The following PCLO variants were observed in gnomAD, a reference collection of about 807,000 sequenced individuals.
PCLO encodes piccolo presynaptic cytomatrix protein.
Under a neutral mutation model 427.5 loss-of-function variants are expected in PCLO, and 82 were observed. The observed-to-expected ratio is 0.19, with a 90% confidence interval of 0.16 to 0.23. PCLO has a LOEUF of 0.23. PCLO is among the 10% of genes least tolerant of loss of function. The pLI, the probability that PCLO is intolerant of heterozygous loss-of-function variation, is 1.00. For missense variants in PCLO, 6,239 were observed against 6,115.9 expected, an observed-to-expected ratio of 1.02 and a Z score of -0.67; for synonymous variants, 2,357 against 2,155.4, an observed-to-expected ratio of 1.09 and a Z score of -2.59.
chr7:82,889,624 G>T lies in PCLO; in HGVS notation c.13529-10162C>A, dbSNP rs575769639. Reference sequence around the variant, plus strand: ...CCTTTTACTCACTAATTTTACTTCTGTAAATATATTGTAAGGGAATAATAA... The same window carrying T: ...CCTTTTACTCACTAATTTTACTTCTTTAAATATATTGTAAGGGAATAATAA... On this transcript the variant is annotated intron_variant, in intron 9 of 24. Coordinates refer to ENST00000333891, the MANE Select transcript of PCLO (RefSeq NM_033026.6). Among the ~76,000 whole-genome samples the T allele has an allele frequency of 2.0e-5, 3 of 152,116 alleles. No homozygotes were observed. The East Asian group carries it at 5.8e-4, about 29-fold the overall frequency.
At chr7:82,917,678 C>T (rs892733449) in intron 6 of PCLO, among the ~76,000 whole-genome samples, 7 of 151,954 alleles carry the variant, frequency 4.6e-5, no homozygotes, top group African/African-American at 7.2e-5. Flanking sequence ...CTTCAATTTA[C>T]CTAAGTATTC....
At chr7:82,806,105 T>C (rs2129468834) in intron 20 of PCLO, among the ~76,000 whole-genome samples, 1 of 152,306 alleles carries the variant, frequency 6.6e-6, no homozygotes, top group Non-Finnish European at 1.5e-5. Context: ...TATGTAACTA[T>C]GCTACTATTA....
intron 3 of PCLO, among the ~76,000 whole-genome samples, chr7:83,073,569 C>T (rs904911190): frequency 3.3e-5 from 5 of 151,912 alleles, no homozygotes; most frequent in African/African-American, 1.2e-4. Flanking sequence ...CAAGAAAGAA[C>T]ATTTGTAATG....
rs1795382294 is a variant in PCLO at position 82,952,535 on chromosome 7, G to A, written c.8418C>T (p.Tyr2806=). 1.2e-6 allele frequency: 2 copies of A among 1,613,824 alleles called. No homozygotes were observed. The highest frequency in any genetic ancestry group is 1.7e-5 in the Admixed American group (1 of 59,990). The part of the protein sequence containing the change: ...TFVTCTASAS[Y]TTGTESLVGA... ...CCACTAGGCTTTCTGTGCCTGTAGT[G>A]TAACTTGCACTAGCTGTGCATGTGA... Residue 2806 remains tyrosine (Y), a synonymous_variant, in exon 5 of 25, where the codon TAC becomes TAT. Transcript: ENST00000333891.
intron 2 of PCLO, 101 bp downstream of exon 2, chr7:83,154,647 A>C: frequency 1.1e-6 from 1 of 894,006 alleles, no homozygotes; most frequent in South Asian, 1.8e-5. Flanking sequence ...AATCCAGAGA[A>C]AGACAATGCC....
At position 82,954,153 on chromosome 7, in the gene PCLO, G is replaced by A. The variant is rs115406962; in HGVS notation, c.6800C>T (p.Ser2267Phe). Residue 2267 changes from serine (S) to phenylalanine (F), a missense_variant, in exon 5 of 25, where the codon TCT (serine) becomes TTT (phenylalanine). Coordinates refer to ENST00000333891, the MANE Select transcript of PCLO (RefSeq NM_033026.6). ...TTCTATGATAGAAGATGCCATATCA[G>A]ATAAGGAAATAACAATATGATCAGC... ...ASADHIVISL[S>F]DMASSIIESV... The A allele has an allele frequency of 1.3e-3, 2,084 of 1,613,806 alleles. 29 individuals carry two copies. The African/African-American group carries it at 0.023, about 18-fold the overall frequency.
chr7:83,050,158 G>A (rs114833701), intron 3 of PCLO, among the ~76,000 whole-genome samples: 2,717 of 115,140 alleles, frequency 0.024, 111 homozygotes, highest in African/African-American at 0.087. Context: ...CAGTTCTAGG[G>A]TACATTCTTT....
intron 22 of PCLO, among the ~76,000 whole-genome samples, chr7:82,797,505 C>T (rs1272269040): frequency 1.3e-5 from 2 of 152,008 alleles, no homozygotes; most frequent in East Asian, 1.9e-4. Context: ...GAAAAGTGGT[C>T]GTGTATAGCT....
At chr7:82,841,345 T>C (rs1792360275) in intron 14 of PCLO, 114 bp downstream of exon 14, 2 of 694,262 alleles carry the variant, frequency 2.9e-6, no homozygotes, top group Non-Finnish European at 2.6e-6. Context: ...TTTACAGTTC[T>C]GTATATATTA....
Position 82,956,725 on chromosome 7 carries a change from C to T in PCLO, c.4228G>A (p.Ala1410Thr), listed in dbSNP as rs200500023. 1,097 of 1,613,714 alleles carry T rather than the reference C, an allele frequency of 6.8e-4. 1 individual carries two copies. Among genetic ancestry groups the T allele is most frequent in the Admixed American group, 8.5e-4 (51 of 59,988 alleles). Residue 1410 changes from alanine to threonine, a missense_variant, in exon 5 of 25, where the codon GCT (alanine) becomes ACT (threonine). By Grantham distance (58) the Ala-to-Thr change is moderately conservative. Around this residue, in one of 5 missense-constraint regions of PCLO, gnomAD observed 4,677 missense variants for 4,468.4 expected, o/e 1.05. Transcript: ENST00000333891. ...GATAGGACTGTACTTTCTAACTTAGCCAAATCTGAGGGGCTGGAAGGGCTG... is the reference window on the plus strand; with the variant it reads ...GATAGGACTGTACTTTCTAACTTAGTCAAATCTGAGGGGCTGGAAGGGCTG... ...ESSPSSPSDL[A>T]KLESTVLSIL...
intron 3 of PCLO, among the ~76,000 whole-genome samples, chr7:83,038,085 C>CTTTATATATATATA (rs1788872800): frequency 4.4e-5 from 2 of 45,318 alleles, no homozygotes; most frequent in Non-Finnish European, 8.0e-5. Flanking sequence ...ATATATATAT[C>CTTTATATATATATA]TTTATATATA....
At chr7:82,933,831 T>G (rs1345727641) in intron 6 of PCLO, among the ~76,000 whole-genome samples, 1 of 151,974 alleles carries the variant, frequency 6.6e-6, no homozygotes, top group African/African-American at 2.4e-5. Flanking sequence ...TTTTCCCTCA[T>G]AAAGGCTGAA....
intron 3 of PCLO, among the ~76,000 whole-genome samples, chr7:83,020,986 A>C (rs1379908460): frequency 6.6e-6 from 1 of 152,148 alleles, no homozygotes; most frequent in East Asian, 1.9e-4. Context: ...TGAAATGTTA[A>C]ATTTTCCTTT....
Position 82,966,290 on chromosome 7 carries a change from C to T in PCLO, c.3498G>A (p.Thr1166=), listed in dbSNP as rs141881813. Residue 1166 remains threonine, a synonymous_variant, in exon 4 of 25, where the codon ACG becomes ACA. Transcript: ENST00000333891. Reference sequence around the variant, plus strand: ...TTTCCAGAATGACTTTTTCAGCTTCCGTTTTTACTTCTTGTTCTTGCTTTT... The same window carrying T: ...TTTCCAGAATGACTTTTTCAGCTTCTGTTTTTACTTCTTGTTCTTGCTTTT... ...LVKKQEQEVK[T]EAEKVILEKV... 798 of 1,612,446 alleles carry T rather than the reference C, an allele frequency of 4.9e-4. 3 individuals are homozygous for T. In the African/African-American group the frequency reaches 9.1e-3, roughly 18 times the overall value.
chr7:83,118,075 T>C (rs1302542013), intron 3 of PCLO, among the ~76,000 whole-genome samples: 1 of 152,176 alleles, frequency 6.6e-6, no homozygotes, highest in Non-Finnish European at 1.5e-5. Flanking sequence ...GATAAATTAC[T>C]TGGTAAATAA....
intron 10 of PCLO, among the ~76,000 whole-genome samples, chr7:82,851,980 T>G (rs1329212426): frequency 6.6e-6 from 1 of 152,086 alleles, no homozygotes; most frequent in Non-Finnish European, 1.5e-5. Flanking sequence ...TTTACAATTT[T>G]GATCTATTTA....
chr7:82,922,642 G>A (rs368622974), intron 6 of PCLO, among the ~76,000 whole-genome samples: 2 of 151,932 alleles, frequency 1.3e-5, no homozygotes, highest in Admixed American at 6.6e-5. Context: ...TACTATGCTC[G>A]TTACCTGGGT....
chr7:82,937,834 A>G (rs1422763030), intron 6 of PCLO, among the ~76,000 whole-genome samples: 1 of 151,854 alleles, frequency 6.6e-6, no homozygotes, highest in Admixed American at 6.6e-5. Context: ...ATAATGTACC[A>G]AAAAATTTCA....
rs1366964035 is a variant in PCLO, at chr7:83,148,548, C to A, written c.1893+6200G>T. ...CTTTTGTTTTTTAACTCTATGCAAT[C>A]TGGGAAAATTCTAGGTCCTTATTTT... is the stretch of plus-strand genomic sequence containing the variant. On this transcript the variant is annotated intron_variant, in intron 2 of 24. Transcript: ENST00000333891. Among the ~76,000 whole-genome samples, 5 of 152,006 alleles carry A rather than the reference C, an allele frequency of 3.3e-5. No individual in the cohort carries two copies. The East Asian group carries it at 9.6e-4, about 29-fold the overall frequency.
Sources: allele counts gnomAD v4.1 joint callset (sites outside exome capture counted in the v4.1 genomes callset), GRCh38; gene constraint gnomAD v4.1.1; regional missense constraint gnomAD v4.1.1; transcripts MANE v1.5; gene names NCBI Gene and HGNC (gene_info 2026-07-23, HGNC 2026-07-21).